Variants in LRRC4C observed in about 807,000 individuals in gnomAD.
LRRC4C encodes the protein leucine rich repeat containing 4C.
A neutral mutation model predicts 33.6 loss-of-function variants in LRRC4C; 5 were observed. That is an observed-to-expected ratio of 0.15 (90% CI 0.08 to 0.31). LRRC4C has a LOEUF of 0.31. LRRC4C is among the 10% of genes least tolerant of loss of function. The probability of loss-of-function intolerance (pLI) is 1.00; values close to 1 mark genes in which losing one functional copy is unlikely to be tolerated. For missense variants in LRRC4C, 560 were observed against 796.7 expected, an observed-to-expected ratio of 0.70 and a Z score of 3.58; for synonymous variants, 329 against 302.0, an observed-to-expected ratio of 1.09 and a Z score of -0.93.
intron 2 of LRRC4C, among the ~76,000 whole-genome samples, chr11:40,852,106 C>T (rs1333354103): frequency 2.0e-5 from 3 of 151,526 alleles, no homozygotes; most frequent in Non-Finnish European, 2.9e-5. Context: ...GGATTACCGG[C>T]GTGAGCCACC....
intron 1 of LRRC4C, among the ~76,000 whole-genome samples, chr11:41,442,659 C>T (rs1370150232): frequency 5.3e-5 from 8 of 151,464 alleles, no homozygotes; most frequent in South Asian, 4.2e-4. Flanking sequence ...TTAGTAGAGA[C>T]GGGGTTTCAC....
chr11:40,752,545 G>A (rs1443903382), intron 2 of LRRC4C, among the ~76,000 whole-genome samples: 2 of 151,584 alleles, frequency 1.3e-5, no homozygotes, highest in Non-Finnish European at 2.9e-5. Flanking sequence ...ACCACAATGA[G>A]ATATCATCTT....
intron 3 of LRRC4C, among the ~76,000 whole-genome samples, chr11:40,336,654 T>C (rs1285496629): frequency 1.3e-5 from 2 of 152,114 alleles, no homozygotes; most frequent in Admixed American, 6.5e-5. Flanking sequence ...TGAAGTATAA[T>C]ATCAGCTAGT....
chr11:40,616,681 G>A (rs917092606), intron 3 of LRRC4C, among the ~76,000 whole-genome samples: 2 of 151,814 alleles, frequency 1.3e-5, no homozygotes, highest in Middle Eastern at 3.2e-3. Flanking sequence ...AACACTGCAT[G>A]TTCTCACTCA....
chr11:40,435,554 A>G lies in LRRC4C; in HGVS notation c.-269-115833T>C, dbSNP rs16934827. On this transcript the variant is annotated intron_variant, in intron 3 of 6. Coordinates refer to ENST00000528697, the MANE Select transcript of LRRC4C (RefSeq NM_001258419.2). Reference sequence around the variant, plus strand: ...CTAGTAGGGTAAAGTCCAAATCTTCACTGGAAGAGCAATGGTGAGGACTTT... The same window carrying G: ...CTAGTAGGGTAAAGTCCAAATCTTCGCTGGAAGAGCAATGGTGAGGACTTT... 7.4e-4 allele frequency among the ~76,000 whole-genome samples: 113 copies of G among 152,214 alleles called. No individual in the cohort carries two copies. The East Asian group carries it at 0.017, about 23-fold the overall frequency.
At chr11:40,218,654 C>CTATCTATCTATCTATCTATCTATCT (rs71060948) in intron 5 of LRRC4C, among the ~76,000 whole-genome samples, 2 of 141,542 alleles carry the variant, frequency 1.4e-5, no homozygotes, top group Non-Finnish European at 3.1e-5. Context: ...ATCTATCTAT[C>CTATCTATCTATCTATCTATCTATCT]ATCTATTGCC....
chr11:40,623,041 C>G (rs1387888883), intron 3 of LRRC4C, among the ~76,000 whole-genome samples: 1 of 151,602 alleles, frequency 6.6e-6, no homozygotes, highest in Non-Finnish European at 1.5e-5. Flanking sequence ...CAGACATTTA[C>G]TTATACATTT....
At chr11:41,075,014 C>A (rs868363541) in intron 1 of LRRC4C, among the ~76,000 whole-genome samples, 26 of 101,012 alleles carry the variant, frequency 2.6e-4, no homozygotes, top group East Asian at 1.6e-3. Flanking sequence ...CTTCAATTTT[C>A]TTTTTTTTTT....
intron 5 of LRRC4C, among the ~76,000 whole-genome samples, chr11:40,160,680 G>T (rs1217228686): frequency 1.3e-5 from 2 of 152,100 alleles, no homozygotes; most frequent in African/African-American, 4.8e-5. Flanking sequence ...GCAGGGGTGG[G>T]TCATGAAAGA....
chr11:40,817,904 G>C (rs775090851), intron 2 of LRRC4C, among the ~76,000 whole-genome samples: 7 of 151,936 alleles, frequency 4.6e-5, no homozygotes, highest in Non-Finnish European at 1.0e-4. Flanking sequence ...ACACATTGCT[G>C]TCTGCAAATC....
At chr11:41,051,130 C>T (rs1858174939) in intron 1 of LRRC4C, among the ~76,000 whole-genome samples, 1 of 151,964 alleles carries the variant, frequency 6.6e-6, no homozygotes, top group South Asian at 2.1e-4. Context: ...AGTTTAAGAC[C>T]CTGGTTTCAC....
intron 2 of LRRC4C, among the ~76,000 whole-genome samples, chr11:40,792,314 C>T (rs1201935853): frequency 6.6e-6 from 1 of 151,398 alleles, no homozygotes; most frequent in Non-Finnish European, 1.5e-5. Context: ...CTCGGTAGTG[C>T]TACCAGTTTT....
intron 1 of LRRC4C, among the ~76,000 whole-genome samples, chr11:41,370,803 A>G (rs940602324): frequency 6.6e-6 from 1 of 152,050 alleles, no homozygotes; most frequent in Non-Finnish European, 1.5e-5. Context: ...CTCAACTCTC[A>G]CTGCTAGGAT....
intron 3 of LRRC4C, among the ~76,000 whole-genome samples, chr11:40,635,919 G>GT (rs1364726910): frequency 1.1e-4 from 16 of 152,120 alleles, no homozygotes; most frequent in African/African-American, 3.9e-4. Context: ...GATTACAGGC[G>GT]TGAGGCACTG....
intron 3 of LRRC4C, among the ~76,000 whole-genome samples, chr11:40,646,752 G>A (rs527670487): frequency 2.0e-5 from 3 of 152,112 alleles, no homozygotes; most frequent in Admixed American, 6.5e-5. Flanking sequence ...GACTACAGGC[G>A]CCCACCACCG....
intron 2 of LRRC4C, among the ~76,000 whole-genome samples, chr11:40,707,086 G>C (rs1946204157): frequency 6.6e-6 from 1 of 152,178 alleles, no homozygotes; most frequent in Non-Finnish European, 1.5e-5. Flanking sequence ...TGTTGAAGTT[G>C]CTTATCATCT....
intron 1 of LRRC4C, among the ~76,000 whole-genome samples, chr11:41,038,268 G>A (rs1857219681): frequency 6.6e-6 from 1 of 152,166 alleles, no homozygotes; most frequent in Admixed American, 6.5e-5. Context: ...AGCAAAACAA[G>A]AGAAATACAC....
Position 40,987,681 on chromosome 11 carries a change from T to TATATATATATATATG in LRRC4C, c.-495-53959_-495-53958insCATATATATATATAT, listed in dbSNP as rs1565274752. On this transcript the variant is annotated intron_variant, in intron 1 of 6. Coordinates refer to ENST00000528697, the MANE Select transcript of LRRC4C (RefSeq NM_001258419.2). ...ATATATATGAGATATAAATGATATA[T>TATATATATATATATG]ATATATATATCTCATATATATGAGA... is the stretch of plus-strand genomic sequence containing the variant. Among the ~76,000 whole-genome samples the TATATATATATATATG allele has an allele frequency of 5.4e-5, 4 of 74,650 alleles. 1 individual carries two copies. The highest frequency in any genetic ancestry group is 3.0e-4 in the East Asian group (1 of 3,312). 49.0% of individuals were successfully genotyped at this position (74,650 alleles called of 152,430 possible).
chr11:40,987,623 G>A (rs1241177813), intron 1 of LRRC4C, among the ~76,000 whole-genome samples: 3 of 116,840 alleles, frequency 2.6e-5, no homozygotes, highest in African/African-American at 9.2e-5. Flanking sequence ...AGGTACAAGT[G>A]GGTAATGATA....
Sources: allele counts gnomAD v4.1 joint callset (sites outside exome capture counted in the v4.1 genomes callset), GRCh38; gene constraint gnomAD v4.1.1; transcripts MANE v1.5; gene names NCBI Gene and HGNC (gene_info 2026-07-23, HGNC 2026-07-21).